DDX4: variants seen among roughly 807,000 people sequenced by gnomAD.
The protein encoded by DDX4 is probable ATP-dependent RNA helicase DDX4.
A neutral mutation model predicts 100.0 loss-of-function variants in DDX4; 25 were observed. That is an observed-to-expected ratio of 0.25 (90% CI 0.18 to 0.35). DDX4 has a LOEUF of 0.35. Among genes scored for constraint, DDX4 ranks in the 10% least tolerant of loss-of-function variants. DDX4 has a pLI of 1.00. For missense variants in DDX4, 635 were observed against 882.4 expected (o/e 0.72, Z 3.55); for synonymous variants, 259 against 275.7 (o/e 0.94, Z 0.60).
intron 4 of DDX4, among the ~76,000 whole-genome samples, chr5:55,760,941 G>A (rs1159171264): frequency 1.3e-5 from 2 of 152,108 alleles, no homozygotes; most frequent in African/African-American, 4.8e-5. Flanking sequence ...GGATGCCATA[G>A]CGAGGGCTAT....
At chr5:55,805,021 C>G (rs1297542478) in intron 18 of DDX4, among the ~76,000 whole-genome samples, 1 of 151,848 alleles carries the variant, frequency 6.6e-6, no homozygotes, top group East Asian at 1.9e-4. Context: ...TGTAGTTCTC[C>G]TTGAAGAGGT....
intron 18 of DDX4, among the ~76,000 whole-genome samples, chr5:55,808,985 C>T (rs924440961): frequency 2.0e-5 from 3 of 152,218 alleles, no homozygotes; most frequent in African/African-American, 7.2e-5. Flanking sequence ...TTCCTGGCCG[C>T]TTTGTTTACC....
chr5:55,796,615 C>G (rs952884509), intron 17 of DDX4, among the ~76,000 whole-genome samples: 3 of 152,118 alleles, frequency 2.0e-5, no homozygotes, highest in African/African-American at 7.2e-5. Context: ...TACTTTCTTA[C>G]CTGGAGTCGT....
At chr5:55,757,841 C>T (rs745970303) in intron 3 of DDX4, among the ~76,000 whole-genome samples, 4 of 152,040 alleles carry the variant, frequency 2.6e-5, no homozygotes, top group African/African-American at 4.8e-5. Flanking sequence ...GCCAGGAGTT[C>T]GAGACCTGCT....
intron 6 of DDX4, among the ~76,000 whole-genome samples, chr5:55,765,407 A>ATATATATAT (rs1225727462): frequency 4.5e-4 from 42 of 92,910 alleles, no homozygotes; most frequent in East Asian, 3.6e-3. Flanking sequence ...AAAAAAAAAA[A>ATATATATAT]AAAAAAATAT....
chr5:55,778,767 G>T (rs932147417), intron 7 of DDX4, among the ~76,000 whole-genome samples: 2 of 152,062 alleles, frequency 1.3e-5, no homozygotes, highest in Non-Finnish European at 2.9e-5. Context: ...GTTGGTTCAT[G>T]CCTGTAATCT....
chr5:55,798,850 C>G (rs1353449212), intron 18 of DDX4, among the ~76,000 whole-genome samples: 1 of 152,090 alleles, frequency 6.6e-6, no homozygotes, highest in Non-Finnish European at 1.5e-5. Flanking sequence ...TTTTAGGAAA[C>G]TAGAAAGGCT....
At position 55,780,202 on chromosome 5, in the gene DDX4, C is replaced by G. The variant is rs1741824553; in HGVS notation, c.496+137C>G. 3.8e-6 allele frequency: 5 copies of G among 1,322,838 alleles called. No individual in the cohort carries two copies. The South Asian group carries it at 4.9e-5, about 13-fold the overall frequency. The allele number at this position is 1,322,838 out of a possible 1,614,324, so 81.9% of individuals were successfully genotyped here. On this transcript the variant is annotated intron_variant, in intron 8 of 21. Transcript: ENST00000505374. ...CTCAGTGACTAATACACATTAATCA[C>G]CACATTGTATATAACATTATTTTTT...
chr5:55,783,070 G>A (rs1742021080), intron 10 of DDX4, among the ~76,000 whole-genome samples: 1 of 152,040 alleles, frequency 6.6e-6, no homozygotes, highest in Admixed American at 6.5e-5. Context: ...AGGATTACAG[G>A]CATGAGCCAC....
At chr5:55,816,434 C>G (rs765681765) in intron 21 of DDX4, 29 bp from the exon 22 acceptor site, 28 of 1,441,934 alleles carry the variant, frequency 1.9e-5, no homozygotes, top group Middle Eastern at 3.8e-4. Flanking sequence ...TTGTTTGTTT[C>G]TTTTTTTTTT....
intron 10 of DDX4, chr5:55,782,184 T>G (rs1741954094): frequency 1.8e-5 from 10 of 564,912 alleles, no homozygotes; most frequent in Non-Finnish European, 6.3e-6. Flanking sequence ...ATTGCCTCTC[T>G]GATCCAGCAA....
intron 16 of DDX4, among the ~76,000 whole-genome samples, chr5:55,792,123 CAAAAAAA>C (rs35635463): frequency 1.3e-4 from 7 of 52,070 alleles, no homozygotes; most frequent in African/African-American, 3.3e-4. Context: ...GACTCCTTCT[CAAAAAAA>C]AAAAAAAAAA....
rs929686319 is a variant in DDX4, at chr5:55,782,112, C to T, written c.625+131C>T. 1.9e-5 allele frequency: 19 copies of T among 1,008,756 alleles called. No individual in the cohort carries two copies. The South Asian group carries it at 2.6e-4, about 14-fold the overall frequency. 62.5% of individuals were successfully genotyped at this position (1,008,756 alleles called of 1,614,324 possible). ...AAAGGTAACTGTTATTGCTTTTATA[C>T]ACTGTGAGGACCATAAATTTACACA... On this transcript the variant is annotated intron_variant, in intron 10 of 21. Coordinates refer to ENST00000505374, the MANE Select transcript of DDX4 (RefSeq NM_024415.3).
At chr5:55,753,365 G>A (rs1759697579) in intron 3 of DDX4, among the ~76,000 whole-genome samples, 1 of 152,096 alleles carries the variant, frequency 6.6e-6, no homozygotes, top group African/African-American at 2.4e-5. Context: ...GTAAGGAAGG[G>A]ATCCAGTTTC....
intron 18 of DDX4, among the ~76,000 whole-genome samples, chr5:55,811,855 G>C (rs1305958661): frequency 6.6e-6 from 1 of 152,088 alleles, no homozygotes; most frequent in Admixed American, 6.5e-5. Context: ...GTTGAACACA[G>C]ATTTCCGTTT....
At chr5:55,741,731 G>A (rs1483717250) in intron 2 of DDX4, among the ~76,000 whole-genome samples, 1 of 152,028 alleles carries the variant, frequency 6.6e-6, no homozygotes, top group Non-Finnish European at 1.5e-5. Flanking sequence ...GGAGACTGCA[G>A]TGAGCCAAGT....
At chr5:55,795,776 G>A (rs946274771) in intron 17 of DDX4, among the ~76,000 whole-genome samples, 2 of 152,120 alleles carry the variant, frequency 1.3e-5, no homozygotes, top group East Asian at 1.9e-4. Flanking sequence ...CCCTGTCTCA[G>A]TACAACGTGG....
Position 55,816,640 on chromosome 5 carries a change from C to A in DDX4, c.*100C>A. ...AGTATAAAACTTAACATTCTCATAG[C>A]TCCTGTCCTTGTATTCTCACTCCTA... On this transcript the variant is annotated 3_prime_UTR_variant, in exon 22 of 22. Transcript: ENST00000505374. 1 of 1,517,716 alleles carries A rather than the reference C, an allele frequency of 6.6e-7. No individual in the cohort carries two copies. Among genetic ancestry groups the A allele is most frequent in the Non-Finnish European group, 8.8e-7 (1 of 1,130,608 alleles). The allele number at this position is 1,517,716 out of a possible 1,614,324, so 94.0% of individuals were successfully genotyped here. A position where few individuals can be genotyped will look rare whatever the true frequency, so the allele number is the denominator to read the frequency against.
chr5:55,774,026 A>C (rs1741411637), intron 7 of DDX4, among the ~76,000 whole-genome samples: 1 of 151,962 alleles, frequency 6.6e-6, no homozygotes, highest in African/African-American at 2.4e-5. Context: ...TGTCTTTCAG[A>C]TCCTTCACTC....
Sources: allele counts gnomAD v4.1 joint callset (sites outside exome capture counted in the v4.1 genomes callset), GRCh38; gene constraint gnomAD v4.1.1; transcripts MANE v1.5; gene names NCBI Gene and HGNC (gene_info 2026-07-23, HGNC 2026-07-21).